DOCK3: variants seen among roughly 807,000 people sequenced by gnomAD.
The protein encoded by DOCK3 is dedicator of cytokinesis protein 3.
Under a neutral mutation model 265.6 loss-of-function variants are expected in DOCK3, and 60 were observed. The ratio of observed to expected loss-of-function variants is 0.23; its 90% confidence interval spans 0.18 to 0.28. The LOEUF (loss-of-function observed/expected upper bound fraction) is 0.28. DOCK3 is among the 10% of genes least tolerant of loss of function. The pLI, the probability that DOCK3 is intolerant of heterozygous loss-of-function variation, is 1.00. For missense variants in DOCK3, 1,981 were observed against 2,594.3 expected (o/e 0.76, Z 5.14); for synonymous variants, 881 against 938.0 (o/e 0.94, Z 1.11).
At chr3:51,355,304 A>G (rs1398469958) in intron 41 of DOCK3, among the ~76,000 whole-genome samples, 2 of 152,060 alleles carry the variant, frequency 1.3e-5, no homozygotes, top group African/African-American at 4.8e-5. Flanking sequence ...CTTAATCCTC[A>G]CCCTGCCCTA....
intron 9 of DOCK3, among the ~76,000 whole-genome samples, chr3:51,124,827 G>A (rs769524974): frequency 2.6e-5 from 4 of 152,028 alleles, no homozygotes; most frequent in Non-Finnish European, 5.9e-5. Context: ...CTATAATATT[G>A]TTTTAAAAGT....
chr3:51,347,296 A>T (rs2085653174), intron 38 of DOCK3, among the ~76,000 whole-genome samples: 1 of 152,190 alleles, frequency 6.6e-6, no homozygotes, highest in Admixed American at 6.5e-5. Flanking sequence ...TCTTTAATCC[A>T]TCTTAAATTA....
intron 27 of DOCK3, among the ~76,000 whole-genome samples, chr3:51,304,281 C>G (rs1404449805): frequency 2.0e-5 from 3 of 152,048 alleles, no homozygotes; most frequent in Non-Finnish European, 4.4e-5. Context: ...ACTGGAGCTA[C>G]AGTGATGGCT....
chr3:51,352,530 T>C (rs2086067734), intron 40 of DOCK3, among the ~76,000 whole-genome samples: 1 of 152,110 alleles, frequency 6.6e-6, no homozygotes, highest in Non-Finnish European at 1.5e-5. Flanking sequence ...TCAAATGTGG[T>C]TTCAAAGACC....
intron 9 of DOCK3, among the ~76,000 whole-genome samples, chr3:51,096,634 C>T (rs1297064246): frequency 6.6e-6 from 1 of 152,220 alleles, no homozygotes. Flanking sequence ...CCTTCTGAAG[C>T]CTACTTCTGT....
At chr3:51,304,146 A>T (rs1358579189) in intron 27 of DOCK3, among the ~76,000 whole-genome samples, 2 of 152,128 alleles carry the variant, frequency 1.3e-5, no homozygotes, top group East Asian at 3.9e-4. Context: ...GGCCCCACCC[A>T]CTGAAGAAGA....
At chr3:50,930,592 G>A (rs926749239) in intron 4 of DOCK3, among the ~76,000 whole-genome samples, 4 of 152,220 alleles carry the variant, frequency 2.6e-5, no homozygotes, top group African/African-American at 4.8e-5. Flanking sequence ...CAGAGGCAAC[G>A]TCTCCCCAGG....
chr3:51,196,333 G>T (rs2088293473), intron 12 of DOCK3, among the ~76,000 whole-genome samples: 1 of 152,074 alleles, frequency 6.6e-6, no homozygotes, highest in Non-Finnish European at 1.5e-5. Flanking sequence ...TTTGGGATTT[G>T]CTCTTCATCT....
At chr3:50,715,933 G>T (rs2037080336) in intron 1 of DOCK3, among the ~76,000 whole-genome samples, 1 of 151,872 alleles carries the variant, frequency 6.6e-6, no homozygotes, top group Non-Finnish European at 1.5e-5. Context: ...TCTTCTTTCC[G>T]TCAGCTGTGA....
At chr3:51,226,216 A>C (rs2090319751) in intron 15 of DOCK3, among the ~76,000 whole-genome samples, 1 of 152,254 alleles carries the variant, frequency 6.6e-6, no homozygotes, top group South Asian at 2.1e-4. Flanking sequence ...GACAAAGAAC[A>C]GCAGACTCAG....
intron 4 of DOCK3, among the ~76,000 whole-genome samples, chr3:50,894,432 C>T (rs1302395998): frequency 6.6e-6 from 1 of 152,000 alleles, no homozygotes; most frequent in Non-Finnish European, 1.5e-5. Context: ...TGAGGGAGTT[C>T]ATCACCAGTA....
chr3:51,059,076 C>T (rs1489438884), intron 5 of DOCK3, among the ~76,000 whole-genome samples: 1 of 152,088 alleles, frequency 6.6e-6, no homozygotes, highest in Non-Finnish European at 1.5e-5. Context: ...CCTTGTACTT[C>T]ACCCTGTCTT....
chr3:51,329,991 G>C, intron 32 of DOCK3, 147 bp from the exon 33 acceptor site: 2 of 770,304 alleles, frequency 2.6e-6, no homozygotes, highest in Non-Finnish European at 2.1e-6. Flanking sequence ...GGTGCTATAG[G>C]TAAAATACTA....
chr3:51,086,487 G>A (rs1339163699), intron 7 of DOCK3, among the ~76,000 whole-genome samples: 1 of 152,022 alleles, frequency 6.6e-6, no homozygotes, highest in Non-Finnish European at 1.5e-5. Flanking sequence ...AGGATACATT[G>A]TGGCTGATGC....
At chr3:51,371,265 A>G (rs1169014106) in intron 49 of DOCK3, among the ~76,000 whole-genome samples, 3 of 152,260 alleles carry the variant, frequency 2.0e-5, no homozygotes, top group Non-Finnish European at 2.9e-5. Context: ...AGGAAGGCTG[A>G]GAGAAGCCCC....
chr3:51,033,222 G>A (rs1169109420), intron 5 of DOCK3, among the ~76,000 whole-genome samples: 1 of 152,142 alleles, frequency 6.6e-6, no homozygotes, highest in African/African-American at 2.4e-5. Flanking sequence ...AGTGGAGAAG[G>A]ACTCTGGTGA....
intron 6 of DOCK3, among the ~76,000 whole-genome samples, chr3:51,067,465 G>A (rs1028025465): frequency 3.0e-4 from 46 of 151,702 alleles, no homozygotes; most frequent in East Asian, 1.4e-3. Context: ...GTGCGCGCGC[G>A]TTGGAGGGGT....
chr3:50,859,866 G>A (rs2046820125), intron 3 of DOCK3, among the ~76,000 whole-genome samples: 1 of 152,274 alleles, frequency 6.6e-6, no homozygotes. Context: ...CCCTCTCAAT[G>A]CTGTGGAAGT....
intron 12 of DOCK3, among the ~76,000 whole-genome samples, chr3:51,173,319 T>C (rs1374038141): frequency 6.6e-6 from 1 of 152,130 alleles, no homozygotes; most frequent in African/African-American, 2.4e-5. Flanking sequence ...CTGGGTCATA[T>C]ACCATGTTGC....
Sources: allele counts gnomAD v4.1 joint callset (sites outside exome capture counted in the v4.1 genomes callset), GRCh38; gene constraint gnomAD v4.1.1; transcripts MANE v1.5; gene names NCBI Gene and HGNC (gene_info 2026-07-23, HGNC 2026-07-21).